VIRMA: variants seen among roughly 807,000 people sequenced by gnomAD.
The protein encoded by VIRMA is protein virilizer homolog.
In VIRMA, 65 loss-of-function variants were observed where a neutral mutation model predicts 182.4. That is an observed-to-expected ratio of 0.36 (90% confidence interval 0.29 to 0.44). The LOEUF (loss-of-function observed/expected upper bound fraction) is 0.44. VIRMA is among the 20% of genes least tolerant of loss of function. The pLI is 1.00. For missense variants in VIRMA, 1,752 were observed against 2,158.1 expected, an observed-to-expected ratio of 0.81 and a Z score of 3.73; for synonymous variants, 709 against 743.1, an observed-to-expected ratio of 0.95 and a Z score of 0.75.
chr8:94,538,444 G>A, intron 2 of VIRMA, 98 bp from the exon 3 acceptor site: 5 of 700,884 alleles, frequency 7.1e-6, no homozygotes, highest in Non-Finnish European at 1.2e-5. Flanking sequence ...AGCAATTCTA[G>A]AATTAGAATA....
intron 8 of VIRMA, among the ~76,000 whole-genome samples, chr8:94,525,198 C>A (rs1554557123): frequency 6.6e-6 from 1 of 152,178 alleles, no homozygotes; most frequent in Non-Finnish European, 1.5e-5. Flanking sequence ...TTGTGGGCAT[C>A]CTTGAACCAA....
chr8:94,537,011 A>G, intron 4 of VIRMA, 92 bp downstream of exon 4: 3 of 842,282 alleles, frequency 3.6e-6, no homozygotes, highest in South Asian at 2.9e-5. Flanking sequence ...AAGATATGAC[A>G]CTCTGCAACA....
intron 20 of VIRMA, among the ~76,000 whole-genome samples, chr8:94,494,387 T>A (rs2130260505): frequency 6.6e-6 from 1 of 151,900 alleles, no homozygotes; most frequent in African/African-American, 2.4e-5. Context: ...GTCAGGAGTT[T>A]GAGACCAGCC....
intron 1 of VIRMA, among the ~76,000 whole-genome samples, chr8:94,547,528 T>C (rs1792000646): frequency 6.6e-6 from 1 of 151,056 alleles, no homozygotes; most frequent in Admixed American, 6.6e-5. Flanking sequence ...ACTTCCTTTT[T>C]CACTTCTGCA....
intron 4 of VIRMA, among the ~76,000 whole-genome samples, chr8:94,536,215 G>C (rs761952906): frequency 7.2e-5 from 11 of 152,154 alleles, no homozygotes; most frequent in Non-Finnish European, 1.6e-4. Flanking sequence ...GACTGGCCAA[G>C]GATTGATAGA....
chr8:94,543,676 T>C (rs1815657587), intron 2 of VIRMA, 151 bp downstream of exon 2: 1 of 527,734 alleles, frequency 1.9e-6, no homozygotes, highest in Admixed American at 3.4e-5. Flanking sequence ...ATACAGAAAA[T>C]ATAGAGCCAA....
chr8:94,505,212 T>C (rs1023140677), intron 16 of VIRMA, among the ~76,000 whole-genome samples: 8 of 152,132 alleles, frequency 5.3e-5, no homozygotes, highest in Admixed American at 1.3e-4. Flanking sequence ...GACAAGGAGA[T>C]GCAGAAAGGA....
chr8:94,521,042 C>CT (rs11355130), intron 8 of VIRMA, among the ~76,000 whole-genome samples: 2 of 149,672 alleles, frequency 1.3e-5, no homozygotes, highest in African/African-American at 4.9e-5. Flanking sequence ...TTTTTTATCT[C>CT]TTTTTTTTTT....
chr8:94,496,616 T>C (rs1813787983), intron 17 of VIRMA, 136 bp from the exon 18 acceptor site: 4 of 610,858 alleles, frequency 6.5e-6, no homozygotes, highest in Non-Finnish European at 1.1e-5. Context: ...TACAAATGGC[T>C]AGTTTTAAGG....
At chr8:94,503,167 G>A (rs576710535) in intron 16 of VIRMA, among the ~76,000 whole-genome samples, 23 of 152,286 alleles carry the variant, frequency 1.5e-4, no homozygotes, top group Middle Eastern at 3.4e-3. Context: ...TACACTGACA[G>A]ATACTAAAAA....
chr8:94,551,279 G>C (rs1329330142), intron 1 of VIRMA, among the ~76,000 whole-genome samples: 1 of 152,090 alleles, frequency 6.6e-6, no homozygotes, highest in African/African-American at 2.4e-5. Context: ...CTGAAATCTT[G>C]TATCTTTTAT....
chr8:94,526,720 G>T lies in VIRMA; in HGVS notation c.1524C>A (p.Asp508Glu). Residue 508 changes from aspartate (D) to glutamate (E), a missense_variant, in exon 8 of 24, where the codon GAC (aspartate) becomes GAA (glutamate). Asp to Glu is a conservative substitution (Grantham distance 45). Transcript: ENST00000297591. ...SLKLNAFKALDSVISMTEGME... is the reference protein window; with the variant it reads ...SLKLNAFKALESVISMTEGME... ...TTCCTTCTGTCATACTAATGACACT[G>T]TCCAAAGCTTTAAAAGCATTTAACT... 6.2e-7 allele frequency: 1 copy of T among 1,613,784 alleles called. No homozygotes were observed. Among genetic ancestry groups the T allele is most frequent in the Non-Finnish European group, 8.5e-7 (1 of 1,180,010 alleles).
intron 18 of VIRMA, 126 bp from the exon 19 acceptor site, chr8:94,496,017 A>G (rs1813762143): frequency 2.6e-6 from 2 of 782,510 alleles, no homozygotes; most frequent in East Asian, 5.5e-5. Context: ...TCCAGAAATT[A>G]TTAACATTAA....
chr8:94,504,163 G>T lies in VIRMA; in HGVS notation c.4097+2337C>A, dbSNP rs368998724. On this transcript the variant is annotated intron_variant, in intron 16 of 23. Transcript: ENST00000297591. ...CACTCCAACCCGGGCGATAGAGCAAGACTCCATCTCAACAAAAAATAAAAT... is the reference window on the plus strand; with the variant it reads ...CACTCCAACCCGGGCGATAGAGCAATACTCCATCTCAACAAAAAATAAAAT... Among the ~76,000 whole-genome samples the T allele has an allele frequency of 2.0e-5, 3 of 150,676 alleles. No individual in the cohort carries two copies. The East Asian group carries it at 5.8e-4, about 29-fold the overall frequency.
chr8:94,519,517 GC>G lies in VIRMA; in HGVS notation c.2022-42del. 2.7e-6 allele frequency: 4 copies of G among 1,505,362 alleles called. No individual in the cohort carries two copies. The South Asian group carries it at 5.6e-5, about 21-fold the overall frequency. The allele number at this position is 1,505,362 out of a possible 1,614,324, so 93.3% of individuals were successfully genotyped here. A position where few individuals can be genotyped will look rare whatever the true frequency, so the allele number is the denominator to read the frequency against. The stretch of plus-strand genomic sequence containing the variant: ...TTGATACATGTCAAGTCAGTGCAAA[GC>G]ATTCTTCATTTACTCAATATTCAGA... On this transcript the variant is annotated intron_variant, in intron 8 of 23. Coordinates refer to ENST00000297591, the MANE Select transcript of VIRMA (RefSeq NM_015496.5).
At chr8:94,511,783 T>TTAATCA in intron 12 of VIRMA, 54 bp from the exon 13 acceptor site, 1 of 1,081,660 alleles carries the variant, frequency 9.2e-7, no homozygotes, top group Non-Finnish European at 1.3e-6. Context: ...TGTTAATAAC[T>TTAATCA]GATTAAGAAT....
chr8:94,510,289 ATATGTG>A, intron 14 of VIRMA, 122 bp downstream of exon 14: 1 of 654,658 alleles, frequency 1.5e-6, no homozygotes, highest in Non-Finnish European at 2.6e-6. Flanking sequence ...ATATGTAGGT[ATATGTG>A]TATATTTACA....
intron 1 of VIRMA, chr8:94,546,774 T>TGTGCTTCTTTCTTGCCTCCC (rs1815782253): frequency 2.6e-6 from 1 of 378,098 alleles, no homozygotes; most frequent in South Asian, 2.0e-5. Flanking sequence ...CTTTGCATCC[T>TGTGCTTCTTTCTTGCCTCCC]GTGCTTCTTT....
rs773921152 is a variant in VIRMA at position 94,517,839 on chromosome 8, C to T, written c.2617G>A (p.Ala873Thr). The change falls in exon 10 of 24, where the codon GCA becomes ACA. Residue 873 changes from alanine to threonine, a missense_variant. This residue lies in a region of VIRMA where 777 missense variants were observed against 920.6 expected (regional missense o/e 0.84). Coordinates refer to ENST00000297591, the MANE Select transcript of VIRMA (RefSeq NM_015496.5). The part of the protein sequence containing the change: ...SDVQMLEQHA[A>T]SLLKLCKADE... ...GCTTTACAAAGCTTCAAGAGAGATG[C>T]TGCATGTTGTTCTAGCATTTGAACA... The T allele has an allele frequency of 1.2e-6, 2 of 1,612,492 alleles. No individual in the cohort carries two copies. Among genetic ancestry groups the T allele is most frequent in the East Asian group, 2.2e-5 (1 of 44,728 alleles).
Sources: gnomAD v4.1 joint callset for allele counts (sites outside exome capture counted in the v4.1 genomes callset) on GRCh38, gnomAD v4.1.1 for gene constraint, gnomAD v4.1.1 regional missense constraint, MANE v1.5 for transcripts, NCBI Gene and HGNC (gene_info 2026-07-23, HGNC 2026-07-21) for gene names.